Variants in SGCD observed in about 807,000 individuals in gnomAD.
SGCD encodes delta-sarcoglycan.
SGCD carries 18 observed loss-of-function variants against 36.6 expected under a neutral mutation model. That is an observed-to-expected ratio of 0.49 (90% CI 0.34 to 0.73). SGCD has a LOEUF of 0.73. Among genes scored for constraint, SGCD ranks in the 30% least tolerant of loss-of-function variants. The pLI, the probability that SGCD is intolerant of heterozygous loss-of-function variation, is 0.01. For synonymous variants in SGCD, 133 were observed against 130.6 expected (o/e 1.02, Z -0.12); for missense variants, 387 against 346.7 (o/e 1.12, Z -0.92).
intron 1 of SGCD, among the ~76,000 whole-genome samples, chr5:156,049,212 G>T: frequency 6.8e-6 from 1 of 146,366 alleles, no homozygotes; most frequent in East Asian, 1.9e-4. Context: ...GTACCATGCT[G>T]TTTTGGTTAC....
At chr5:155,844,095 A>T in the SGCD span, among the ~76,000 whole-genome samples, 1 of 143,380 alleles carries the variant, frequency 7.0e-6, no homozygotes, top group South Asian at 2.3e-4. Flanking sequence ...ATTTAGAAAA[A>T]ATGTCAGTAT....
intron 6 of SGCD, among the ~76,000 whole-genome samples, chr5:156,621,416 T>C (rs1762242231): frequency 6.6e-6 from 1 of 152,118 alleles, no homozygotes; most frequent in South Asian, 2.1e-4. Context: ...TTGTCTCCAA[T>C]TCCTGACCTC....
At chr5:156,672,027 T>C (rs941453264) in intron 7 of SGCD, among the ~76,000 whole-genome samples, 4 of 152,086 alleles carry the variant, frequency 2.6e-5, no homozygotes, top group Non-Finnish European at 5.9e-5. Context: ...CCCAAACACC[T>C]CCTCTAGGCC....
chr5:156,474,451 C>T (rs1285888321), intron 3 of SGCD, among the ~76,000 whole-genome samples: 1 of 152,152 alleles, frequency 6.6e-6, no homozygotes, highest in Non-Finnish European at 1.5e-5. Flanking sequence ...TGTACTGACT[C>T]CTTAGCGCTT....
At chr5:155,961,828 T>A (rs150931724) in intron 1 of SGCD, among the ~76,000 whole-genome samples, 7 of 152,170 alleles carry the variant, frequency 4.6e-5, no homozygotes, top group African/African-American at 1.7e-4. Flanking sequence ...AAGTAATTTT[T>A]AAAAAATGCA....
chr5:156,352,289 G>A (rs1049691520), intron 3 of SGCD, among the ~76,000 whole-genome samples: 1 of 152,192 alleles, frequency 6.6e-6, no homozygotes, highest in African/African-American at 2.4e-5. Flanking sequence ...AACCTTAGGA[G>A]TCACCTCATC....
intron 7 of SGCD, among the ~76,000 whole-genome samples, chr5:156,756,300 A>T (rs1158592215): frequency 6.6e-6 from 1 of 152,168 alleles, no homozygotes; most frequent in Admixed American, 6.5e-5. Flanking sequence ...TAATCCCAGC[A>T]CTTTGAAAGG....
intron 3 of SGCD, among the ~76,000 whole-genome samples, chr5:156,504,542 C>T (rs1756614227): frequency 2.6e-5 from 4 of 151,876 alleles, no homozygotes; most frequent in South Asian, 2.1e-4. Flanking sequence ...TTACATATTC[C>T]TCTGCAAGAA....
At chr5:156,543,536 T>C (rs556815009) in intron 4 of SGCD, among the ~76,000 whole-genome samples, 1 of 152,312 alleles carries the variant, frequency 6.6e-6, no homozygotes, top group East Asian at 1.9e-4. Flanking sequence ...TTGAGCATCT[T>C]TCCCTTGGGC....
intron 3 of SGCD, among the ~76,000 whole-genome samples, chr5:156,170,051 G>T (rs1020963344): frequency 6.6e-6 from 1 of 152,204 alleles, no homozygotes; most frequent in Non-Finnish European, 1.5e-5. Flanking sequence ...CTGAGGGTTG[G>T]ATTGCAAGGG....
At chr5:156,751,374 T>C (rs1392794636) in intron 7 of SGCD, among the ~76,000 whole-genome samples, 2 of 152,096 alleles carry the variant, frequency 1.3e-5, no homozygotes, top group Non-Finnish European at 2.9e-5. Context: ...TTGAAAACAA[T>C]ATAGAAGAGC....
At chr5:156,420,752 C>A (rs1376969613) in intron 3 of SGCD, among the ~76,000 whole-genome samples, 1 of 152,112 alleles carries the variant, frequency 6.6e-6, no homozygotes, top group Admixed American at 6.6e-5. Flanking sequence ...CAAGCTACAG[C>A]TACTATTCCT....
chr5:156,072,826 G>T (rs1216924074), intron 1 of SGCD, among the ~76,000 whole-genome samples: 1 of 152,052 alleles, frequency 6.6e-6, no homozygotes, highest in Non-Finnish European at 1.5e-5. Flanking sequence ...GGCTTTGTTT[G>T]TTTCTTTTTG....
intron 4 of SGCD, among the ~76,000 whole-genome samples, chr5:156,543,239 C>T (rs909974188): frequency 6.6e-6 from 1 of 152,104 alleles, no homozygotes; most frequent in Admixed American, 6.5e-5. Context: ...GCCAGTAGTA[C>T]CCCCCATATA....
intron 7 of SGCD, among the ~76,000 whole-genome samples, chr5:156,680,467 T>C (rs1388386393): frequency 6.6e-6 from 1 of 152,036 alleles, no homozygotes; most frequent in Admixed American, 6.6e-5. Context: ...ATTTGCAAAA[T>C]GGGGATGCTA....
intron 1 of SGCD, among the ~76,000 whole-genome samples, chr5:155,971,515 G>C (rs77687182): frequency 2.6e-5 from 4 of 151,988 alleles, no homozygotes; most frequent in African/African-American, 4.8e-5. Context: ...ATTGAAACTC[G>C]TCTGGCCCAA....
intron 1 of SGCD, among the ~76,000 whole-genome samples, chr5:155,909,339 C>A (rs556179758): frequency 1.6e-4 from 24 of 152,208 alleles, no homozygotes; most frequent in Admixed American, 1.5e-3. Context: ...TATGCATTTT[C>A]TAAGGGGATC....
intron 1 of SGCD, among the ~76,000 whole-genome samples, chr5:156,050,389 G>A (rs1324500854): frequency 6.8e-6 from 1 of 146,348 alleles, no homozygotes; most frequent in Non-Finnish European, 1.5e-5. Context: ...AAATTATAAA[G>A]GGTACATTTT....
intron 3 of SGCD, among the ~76,000 whole-genome samples, chr5:156,206,035 C>A (rs1396731899): frequency 6.8e-6 from 1 of 148,008 alleles, no homozygotes; most frequent in Non-Finnish European, 1.5e-5. Flanking sequence ...TGCACATATA[C>A]AAATGAATAT....
Sources: allele counts gnomAD v4.1 joint callset (sites outside exome capture counted in the v4.1 genomes callset), GRCh38; gene constraint gnomAD v4.1.1; transcripts MANE v1.5; gene names NCBI Gene and HGNC (gene_info 2026-07-23, HGNC 2026-07-21).